The following LRRC4C variants were observed in gnomAD, a reference collection of about 807,000 sequenced individuals.
The protein encoded by LRRC4C is leucine-rich repeat-containing protein 4C.
LRRC4C carries 5 observed loss-of-function variants against 33.6 expected under a neutral mutation model. The ratio of observed to expected loss-of-function variants is 0.15; its 90% CI spans 0.08 to 0.31. The LOEUF (loss-of-function observed/expected upper bound fraction) is 0.31. Among genes scored for constraint, LRRC4C ranks in the 10% least tolerant of loss-of-function variants. The pLI is 1.00. For missense variants in LRRC4C, 560 were observed against 796.7 expected (o/e 0.70, Z 3.58); for synonymous variants, 329 against 302.0 (o/e 1.09, Z -0.93).
At chr11:41,455,638 C>A (rs921803794) in intron 1 of LRRC4C, among the ~76,000 whole-genome samples, 7 of 152,152 alleles carry the variant, frequency 4.6e-5, no homozygotes, top group African/African-American at 1.7e-4. Context: ...TTGGAGGAAT[C>A]ATTTTATGTC....
rs147306772 is a variant in LRRC4C at position 40,462,309 on chromosome 11, T to G, written c.-269-142588A>C. Among the ~76,000 whole-genome samples the G allele has an allele frequency of 4.8e-3, 726 of 152,232 alleles. 4 individuals carry two copies. The highest frequency in any genetic ancestry group is 0.017 in the African/African-American group (694 of 41,576). On this transcript the variant is annotated intron_variant, in intron 3 of 6. Transcript: ENST00000528697. ...GGAGGGAACATATTATTAGTCTTTA[T>G]TATGTAGGAACAATTGGAAGCAGAG...
chr11:41,231,147 C>T (rs991204140), intron 1 of LRRC4C, among the ~76,000 whole-genome samples: 2 of 152,072 alleles, frequency 1.3e-5, no homozygotes, highest in African/African-American at 4.8e-5. Context: ...GAAATAGGAA[C>T]ACTTTTACAC....
intron 2 of LRRC4C, among the ~76,000 whole-genome samples, chr11:40,734,042 A>G (rs1591581664): frequency 6.6e-6 from 1 of 152,190 alleles, no homozygotes; most frequent in African/African-American, 2.4e-5. Flanking sequence ...TAGAACAGCA[A>G]TTATGATTTT....
At chr11:41,302,892 T>G (rs1397550550) in intron 1 of LRRC4C, among the ~76,000 whole-genome samples, 2 of 152,116 alleles carry the variant, frequency 1.3e-5, no homozygotes, top group Non-Finnish European at 2.9e-5. Context: ...TGTGACCAAC[T>G]CTCCTAAATC....
intron 2 of LRRC4C, among the ~76,000 whole-genome samples, chr11:40,752,551 A>G (rs931553639): frequency 6.6e-6 from 1 of 152,034 alleles, no homozygotes; most frequent in Non-Finnish European, 1.5e-5. Context: ...ATGAGATATC[A>G]TCTTACCCGA....
intron 1 of LRRC4C, among the ~76,000 whole-genome samples, chr11:41,195,824 A>G (rs1415956178): frequency 6.6e-6 from 1 of 152,064 alleles, no homozygotes; most frequent in Non-Finnish European, 1.5e-5. Flanking sequence ...TTAAGTCAGC[A>G]TATACACAAA....
At chr11:40,673,918 CATTGTAT>C (rs1018621741) in intron 2 of LRRC4C, among the ~76,000 whole-genome samples, 2 of 152,126 alleles carry the variant, frequency 1.3e-5, no homozygotes, top group Admixed American at 6.5e-5. Context: ...GGCAATGCAC[CATTGTAT>C]ATTCATGAAC....
intron 2 of LRRC4C, among the ~76,000 whole-genome samples, chr11:40,706,336 GT>G (rs1946167419): frequency 6.6e-6 from 1 of 152,070 alleles, no homozygotes; most frequent in Non-Finnish European, 1.5e-5. Context: ...GGTTTTTATG[GT>G]TTTAGGGCTA....
At chr11:41,077,191 G>T (rs924522146) in intron 1 of LRRC4C, among the ~76,000 whole-genome samples, 1 of 152,194 alleles carries the variant, frequency 6.6e-6, no homozygotes, top group Non-Finnish European at 1.5e-5. Flanking sequence ...CAAGCAGTCA[G>T]TGGATCTAGC....
chr11:41,242,259 C>T (rs929450377), intron 1 of LRRC4C, among the ~76,000 whole-genome samples: 3 of 151,916 alleles, frequency 2.0e-5, no homozygotes, highest in Admixed American at 6.5e-5. Flanking sequence ...GAATTATTAT[C>T]TCCAGGGGAC....
At chr11:40,880,301 T>TC (rs1565163244) in intron 2 of LRRC4C, among the ~76,000 whole-genome samples, 1 of 151,818 alleles carries the variant, frequency 6.6e-6, no homozygotes, top group African/African-American at 2.4e-5. Context: ...ATTTAATTAA[T>TC]CCCCCCGGTA....
intron 1 of LRRC4C, among the ~76,000 whole-genome samples, chr11:40,945,423 C>T (rs905412421): frequency 2.0e-5 from 3 of 152,100 alleles, no homozygotes; most frequent in Non-Finnish European, 2.9e-5. Context: ...TCAATTTATA[C>T]TAACTTACCA....
intron 1 of LRRC4C, among the ~76,000 whole-genome samples, chr11:41,148,504 G>C (rs115074664): frequency 0.016 from 2,405 of 152,166 alleles, 56 homozygotes; most frequent in African/African-American, 0.055. Context: ...GTGAGGTATG[G>C]AGTTAATCTT....
At chr11:40,727,073 A>G (rs1222624474) in intron 2 of LRRC4C, among the ~76,000 whole-genome samples, 1 of 152,208 alleles carries the variant, frequency 6.6e-6, no homozygotes, top group Non-Finnish European at 1.5e-5. Context: ...AAGGAGAACT[A>G]GAAAACACTG....
intron 2 of LRRC4C, among the ~76,000 whole-genome samples, chr11:40,868,824 C>G (rs1954494282): frequency 6.6e-6 from 1 of 152,094 alleles, no homozygotes; most frequent in African/African-American, 2.4e-5. Context: ...ATTTAAGAAA[C>G]TGTGTTTTTC....
chr11:40,353,689 G>A (rs1445827119), intron 3 of LRRC4C, among the ~76,000 whole-genome samples: 2 of 152,288 alleles, frequency 1.3e-5, no homozygotes, highest in East Asian at 3.9e-4. Context: ...ACACCAGCCT[G>A]GGCGATACAG....
chr11:41,263,810 A>T (rs918693730), intron 1 of LRRC4C, among the ~76,000 whole-genome samples: 2 of 152,044 alleles, frequency 1.3e-5, no homozygotes, highest in African/African-American at 4.8e-5. Flanking sequence ...TTCAATGCAT[A>T]AAAAAACAAG....
chr11:40,763,264 TC>T (rs1591653381), intron 2 of LRRC4C, among the ~76,000 whole-genome samples: 4 of 152,124 alleles, frequency 2.6e-5, no homozygotes, highest in African/African-American at 9.6e-5. Flanking sequence ...TTTAAATCCA[TC>T]CCATCTGGTC....
intron 2 of LRRC4C, among the ~76,000 whole-genome samples, chr11:40,830,251 G>A (rs960931578): frequency 6.6e-6 from 1 of 152,088 alleles, no homozygotes; most frequent in African/African-American, 2.4e-5. Flanking sequence ...CAAAAGCCTA[G>A]AGGCAGTTAA....
Sources: allele counts gnomAD v4.1 joint callset (sites outside exome capture counted in the v4.1 genomes callset), GRCh38; gene constraint gnomAD v4.1.1; transcripts MANE v1.5; gene names NCBI Gene and HGNC (gene_info 2026-07-23, HGNC 2026-07-21).